Variants in VTI1A observed in about 807,000 individuals in gnomAD.
VTI1A encodes the protein vesicle transport through interaction with t-SNAREs homolog 1A.
Under a neutral mutation model 34.9 loss-of-function variants are expected in VTI1A, and 22 were observed. The observed-to-expected ratio is 0.63, with a 90% CI of 0.45 to 0.90. The LOEUF is 0.90. VTI1A is among the 40% of genes least tolerant of loss of function. The pLI is 0.00. For missense variants in VTI1A, 268 were observed against 275.6 expected, an observed-to-expected ratio of 0.97 and a Z score of 0.20; for synonymous variants, 87 against 97.3, an observed-to-expected ratio of 0.89 and a Z score of 0.62.
chr10:112,490,795 T>C (rs1246414464), intron 3 of VTI1A, among the ~76,000 whole-genome samples: 1 of 152,112 alleles, frequency 6.6e-6, no homozygotes. Flanking sequence ...TGGGTAAACA[T>C]ACTTCAGATG....
intron 1 of VTI1A, chr10:112,449,375 C>A (rs191375349): frequency 3.9e-5 from 6 of 152,286 alleles, no homozygotes; most frequent in African/African-American, 9.6e-5. Context: ...GAAAACAGAT[C>A]GTGTTACAAT....
chr10:112,793,622 A>G (rs1001214973), intron 7 of VTI1A, among the ~76,000 whole-genome samples: 1 of 152,202 alleles, frequency 6.6e-6, no homozygotes, highest in African/African-American at 2.4e-5. Context: ...GAAGTGTGCA[A>G]AATGCCAGAT....
intron 3 of VTI1A, among the ~76,000 whole-genome samples, chr10:112,505,264 T>G (rs1271650594): frequency 6.6e-6 from 1 of 152,230 alleles, no homozygotes; most frequent in Admixed American, 6.5e-5. Context: ...TGGTTTTACC[T>G]TAAATGAGGA....
chr10:112,518,651 GTATA>G (rs36060655), intron 3 of VTI1A, among the ~76,000 whole-genome samples: 47 of 134,068 alleles, frequency 3.5e-4, no homozygotes, highest in Middle Eastern at 3.7e-3. Flanking sequence ...GTATATACGT[GTATA>G]TATATATATA....
chr10:112,470,551 T>C (rs979963766), intron 3 of VTI1A, among the ~76,000 whole-genome samples: 1 of 152,158 alleles, frequency 6.6e-6, no homozygotes, highest in African/African-American at 2.4e-5. Context: ...CCTGGAAGAA[T>C]GGATGGGAGC....
At chr10:112,576,370 T>A (rs756889045) in intron 5 of VTI1A, among the ~76,000 whole-genome samples, 7 of 152,198 alleles carry the variant, frequency 4.6e-5, no homozygotes, top group Non-Finnish European at 8.8e-5. Flanking sequence ...ATATTTGCTG[T>A]TTTAGCATGC....
intron 7 of VTI1A, among the ~76,000 whole-genome samples, chr10:112,736,460 G>A (rs904872562): frequency 9.2e-5 from 14 of 152,084 alleles, no homozygotes; most frequent in East Asian, 1.9e-4. Context: ...ATGGGCAGAC[G>A]GATAGATGGG....
intron 5 of VTI1A, among the ~76,000 whole-genome samples, chr10:112,583,973 A>G (rs1316114789): frequency 1.3e-5 from 2 of 152,186 alleles, no homozygotes; most frequent in African/African-American, 2.4e-5. Flanking sequence ...GCCTTGTCAT[A>G]TGGCAGTCAC....
intron 3 of VTI1A, among the ~76,000 whole-genome samples, chr10:112,519,658 G>A (rs67451905): frequency 0.13 from 19,759 of 152,004 alleles, 1,366 homozygotes; most frequent in African/African-American, 0.15. Context: ...AAAGTGAAAA[G>A]AACACTGGCA....
rs781374219 is a variant in VTI1A at position 112,815,314 on chromosome 10, C to G, written c.585C>G (p.Leu195=). ...GAATCATCCAGAACCGCATCCTGCT[C>G]GTCATCCTAGGGATCATCGTGGTCA... ...LRRIIQNRIL[L]VILGIIVVIT... The change falls in exon 8 of 8, where the codon CTC becomes CTG. Residue 195 remains leucine (L), a synonymous_variant. Transcript: ENST00000393077. 6.2e-7 allele frequency: 1 copy of G among 1,613,824 alleles called. No individual in the cohort carries two copies. Among genetic ancestry groups the G allele is most frequent in the African/African-American group, 1.3e-5 (1 of 74,970 alleles).
intron 7 of VTI1A, among the ~76,000 whole-genome samples, chr10:112,748,146 T>C (rs771214341): frequency 6.6e-6 from 1 of 151,928 alleles, no homozygotes; most frequent in Admixed American, 6.6e-5. Context: ...AGAGACCCCT[T>C]CCACCATAGG....
chr10:112,849,163 G>A, the VTI1A span, among the ~76,000 whole-genome samples: 1 of 152,206 alleles, frequency 6.6e-6, no homozygotes, highest in Non-Finnish European at 1.5e-5. Flanking sequence ...GTGAGTTTTT[G>A]TACATGGTGT....
intron 7 of VTI1A, among the ~76,000 whole-genome samples, chr10:112,805,719 G>C (rs1853050328): frequency 6.6e-6 from 1 of 152,156 alleles, no homozygotes; most frequent in Non-Finnish European, 1.5e-5. Context: ...AACAAAGGCA[G>C]AGATGAGGGA....
intron 5 of VTI1A, among the ~76,000 whole-genome samples, chr10:112,606,002 G>T (rs550839774): frequency 1.0e-4 from 15 of 150,008 alleles, no homozygotes; most frequent in African/African-American, 3.7e-4. Flanking sequence ...AGGCCATTGT[G>T]TGCTAGTTTT....
At chr10:112,562,353 C>T (rs1851752045) in intron 5 of VTI1A, among the ~76,000 whole-genome samples, 1 of 152,066 alleles carries the variant, frequency 6.6e-6, no homozygotes, top group Non-Finnish European at 1.5e-5. Flanking sequence ...CCTTGCAGTT[C>T]TGCTTGGCAA....
At chr10:112,570,233 C>G (rs1311220417) in intron 5 of VTI1A, among the ~76,000 whole-genome samples, 1 of 151,942 alleles carries the variant, frequency 6.6e-6, no homozygotes, top group African/African-American at 2.4e-5. Flanking sequence ...TCTAAACTGG[C>G]TGTGTACAAA....
intron 5 of VTI1A, among the ~76,000 whole-genome samples, chr10:112,564,439 TTC>T (rs1416163667): frequency 6.8e-6 from 1 of 147,240 alleles, no homozygotes; most frequent in East Asian, 2.1e-4. Context: ...ATTGAAGTAC[TTC>T]TTTAAAAAAA....
intron 7 of VTI1A, among the ~76,000 whole-genome samples, chr10:112,801,674 G>A (rs1016584382): frequency 6.6e-6 from 1 of 152,100 alleles, no homozygotes. Context: ...AAATCGTGTG[G>A]TACCAGGTCA....
chr10:112,543,771 T>C (rs1165897067), intron 5 of VTI1A, among the ~76,000 whole-genome samples: 1 of 152,254 alleles, frequency 6.6e-6, no homozygotes, highest in African/African-American at 2.4e-5. Context: ...ATGTCCTGAA[T>C]GGTATTGCCT....
Sources: gnomAD v4.1 joint callset for allele counts (sites outside exome capture counted in the v4.1 genomes callset) on GRCh38, gnomAD v4.1.1 for gene constraint, MANE v1.5 for transcripts, NCBI Gene and HGNC (gene_info 2026-07-23, HGNC 2026-07-21) for gene names.